The following RABGAP1L variants were observed in gnomAD, a reference collection of about 807,000 sequenced individuals.
RABGAP1L encodes the protein rab GTPase-activating protein 1-like.
RABGAP1L carries 63 observed loss-of-function variants against 137.7 expected under a neutral mutation model. The ratio of observed to expected loss-of-function variants is 0.46; its 90% confidence interval spans 0.37 to 0.56. RABGAP1L has a LOEUF of 0.56. Among genes scored for constraint, RABGAP1L ranks in the 20% least tolerant of loss-of-function variants. The pLI is 0.00. For missense variants in RABGAP1L, 1,095 were observed against 1,244.0 expected (o/e 0.88, Z 1.80); for synonymous variants, 431 against 433.7 (o/e 0.99, Z 0.08).
chr1:174,356,532 C>A (rs982100841), intron 11 of RABGAP1L, among the ~76,000 whole-genome samples: 15 of 151,690 alleles, frequency 9.9e-5, no homozygotes, highest in African/African-American at 3.6e-4. Context: ...CTGAAAATTT[C>A]CTTTTATTAT....
intron 19 of RABGAP1L, among the ~76,000 whole-genome samples, chr1:174,943,429 G>T (rs961791559): frequency 2.0e-5 from 3 of 152,168 alleles, no homozygotes; most frequent in Admixed American, 6.5e-5. Flanking sequence ...CCTCAGAGAA[G>T]CAATAAAAAT....
intron 1 of RABGAP1L, among the ~76,000 whole-genome samples, chr1:174,198,549 T>G (rs966660503): frequency 3.9e-5 from 6 of 152,200 alleles, no homozygotes; most frequent in Non-Finnish European, 7.3e-5. Context: ...AGATGATTGT[T>G]GAAGTTACAT....
At position 174,691,739 on chromosome 1, in the gene RABGAP1L, T is replaced by A. The variant is rs1678888780; in HGVS notation, c.1900-7786T>A. ...CAATTATGTATTTTTATTGTAACTT[T>A]AGACCAATTGCATAAATTGGATAAA... On this transcript the variant is annotated intron_variant, in intron 15 of 25. Coordinates refer to ENST00000681986, the MANE Select transcript of RABGAP1L (RefSeq NM_001366446.1). Among the ~76,000 whole-genome samples the A allele has an allele frequency of 2.0e-5, 3 of 152,186 alleles. No homozygotes were observed. In the South Asian group the frequency reaches 6.2e-4, roughly 31 times the overall value.
intron 11 of RABGAP1L, among the ~76,000 whole-genome samples, chr1:174,320,831 C>T (rs1679900804): frequency 6.6e-6 from 1 of 152,036 alleles, no homozygotes; most frequent in South Asian, 2.1e-4. Context: ...ACAAACTGTT[C>T]GTAAAGCATG....
chr1:174,304,862 G>C, intron 10 of RABGAP1L, 124 bp from the exon 11 acceptor site: 1 of 839,584 alleles, frequency 1.2e-6, no homozygotes, highest in East Asian at 3.3e-5. Context: ...CCTCAGACAT[G>C]CTGTAGATCA....
At chr1:174,747,965 C>G (rs1378135044) in intron 17 of RABGAP1L, among the ~76,000 whole-genome samples, 1 of 151,816 alleles carries the variant, frequency 6.6e-6, no homozygotes, top group East Asian at 1.9e-4. Flanking sequence ...CTGACCCCAT[C>G]TGGCACATAC....
At chr1:174,712,251 G>T (rs1260842801) in intron 17 of RABGAP1L, among the ~76,000 whole-genome samples, 1 of 152,188 alleles carries the variant, frequency 6.6e-6, no homozygotes, top group Non-Finnish European at 1.5e-5. Flanking sequence ...CTTCCGGACT[G>T]TGGAAGCTTT....
At chr1:174,651,126 T>C (rs1675447718) in intron 14 of RABGAP1L, among the ~76,000 whole-genome samples, 1 of 152,158 alleles carries the variant, frequency 6.6e-6, no homozygotes, top group South Asian at 2.1e-4. Context: ...TTTTTCAGTT[T>C]CCATGTAGTT....
At chr1:174,782,148 A>T (rs1160093848) in intron 18 of RABGAP1L, among the ~76,000 whole-genome samples, 6 of 152,282 alleles carry the variant, frequency 3.9e-5, no homozygotes, top group Admixed American at 6.5e-5. Flanking sequence ...TCTATAAATT[A>T]CCTTGGGCAG....
At chr1:174,726,128 T>A (rs762058849) in intron 17 of RABGAP1L, among the ~76,000 whole-genome samples, 3 of 152,134 alleles carry the variant, frequency 2.0e-5, no homozygotes, top group Non-Finnish European at 4.4e-5. Context: ...TAGTAATTAT[T>A]TTATGGTCCT....
intron 14 of RABGAP1L, among the ~76,000 whole-genome samples, chr1:174,669,373 G>A (rs930938952): frequency 6.6e-6 from 1 of 151,940 alleles, no homozygotes; most frequent in Non-Finnish European, 1.5e-5. Flanking sequence ...TTTTAGGTGG[G>A]GACACAGCCA....
chr1:174,344,139 A>T (rs891939577), intron 11 of RABGAP1L, among the ~76,000 whole-genome samples: 1 of 152,158 alleles, frequency 6.6e-6, no homozygotes, highest in African/African-American at 2.4e-5. Flanking sequence ...CTCTAGTGAG[A>T]GCTGGAGACC....
chr1:174,791,296 T>C (rs952316033), intron 18 of RABGAP1L, among the ~76,000 whole-genome samples: 8 of 152,184 alleles, frequency 5.3e-5, no homozygotes, highest in Admixed American at 3.3e-4. Flanking sequence ...AACTCCTCCA[T>C]TGAAAATATT....
intron 13 of RABGAP1L, among the ~76,000 whole-genome samples, chr1:174,619,314 A>G (rs905484777): frequency 2.6e-5 from 4 of 152,230 alleles, no homozygotes; most frequent in East Asian, 1.9e-4. Context: ...CCTCGAGAAG[A>G]GCAACTCTAA....
intron 17 of RABGAP1L, chr1:174,705,651 A>G (rs1253186420): frequency 6.6e-6 from 1 of 152,182 alleles, no homozygotes. Flanking sequence ...ATTGGAAACA[A>G]TATTGTAGTG....
chr1:174,721,240 C>T (rs1005009610), intron 17 of RABGAP1L, among the ~76,000 whole-genome samples: 27 of 152,274 alleles, frequency 1.8e-4, no homozygotes, highest in African/African-American at 6.3e-4. Context: ...GATGCTTTCT[C>T]TGGAGGAACA....
chr1:174,330,901 C>A (rs1272907081), intron 11 of RABGAP1L, among the ~76,000 whole-genome samples: 1 of 152,126 alleles, frequency 6.6e-6, no homozygotes, highest in African/African-American at 2.4e-5. Flanking sequence ...GCAAAAAGAA[C>A]AAAGCTGGAG....
At chr1:174,824,868 A>G (rs1201237939) in intron 19 of RABGAP1L, among the ~76,000 whole-genome samples, 1 of 152,172 alleles carries the variant, frequency 6.6e-6, no homozygotes, top group Admixed American at 6.5e-5. Context: ...AGCAACCAAA[A>G]AAAGCGAAAT....
Position 174,877,127 on chromosome 1 carries a change from G to T in RABGAP1L, c.2340+65167G>T, listed in dbSNP as rs1213160816. On this transcript the variant is annotated intron_variant, in intron 19 of 25. Transcript: ENST00000681986. ...AACATAACACAAATCAGTTTTTTTT[G>T]TTGTTGTTATTGCTATAGGATATTT... 5.8e-5 allele frequency among the ~76,000 whole-genome samples: 7 copies of T among 120,672 alleles called. No individual in the cohort carries two copies. In the South Asian group the frequency reaches 8.7e-4, roughly 15 times the overall value. The allele number at this position is 120,672 out of a possible 152,430, so 79.2% of individuals were successfully genotyped here.
Sources: gnomAD v4.1 joint callset for allele counts (sites outside exome capture counted in the v4.1 genomes callset) on GRCh38, gnomAD v4.1.1 for gene constraint, MANE v1.5 for transcripts, NCBI Gene and HGNC (gene_info 2026-07-23, HGNC 2026-07-21) for gene names.